Variants in HSD17B3 observed in about 807,000 individuals in gnomAD.
The protein encoded by HSD17B3 is 17-beta-hydroxysteroid dehydrogenase type 3.
HSD17B3 carries 29 observed loss-of-function variants against 41.1 expected under a neutral mutation model. The observed-to-expected ratio is 0.71, with a 90% CI of 0.53 to 0.96. The LOEUF (loss-of-function observed/expected upper bound fraction) is 0.96. Ranked by LOEUF, HSD17B3 falls within the 40% of genes least tolerant of loss-of-function variation. The pLI is 0.00. For synonymous variants in HSD17B3, 126 were observed against 145.6 expected, an observed-to-expected ratio of 0.87 and a Z score of 0.97; for missense variants, 323 against 374.6, an observed-to-expected ratio of 0.86 and a Z score of 1.14.
intron 6 of HSD17B3, 26 bp from the exon 7 acceptor site, chr9:96,246,616 C>A (rs1435269554): frequency 5.6e-6 from 9 of 1,612,656 alleles, no homozygotes; most frequent in Non-Finnish European, 7.6e-6. Context: ...AAAGGTAAGC[C>A]CGACAAGGAA....
intron 2 of HSD17B3, among the ~76,000 whole-genome samples, chr9:96,285,306 C>T (rs181587886): frequency 7.9e-5 from 12 of 152,228 alleles, no homozygotes; most frequent in Middle Eastern, 3.4e-3. Flanking sequence ...CTATGGTACA[C>T]GTGTATCAAA....
At chr9:96,261,663 C>G (rs558172599) in intron 2 of HSD17B3, among the ~76,000 whole-genome samples, 12 of 152,166 alleles carry the variant, frequency 7.9e-5, no homozygotes, top group Admixed American at 1.3e-4. Flanking sequence ...TAAAAGGGCC[C>G]CACAGGGAAA....
At chr9:96,243,822 C>T (rs1442551416) in intron 9 of HSD17B3, among the ~76,000 whole-genome samples, 3 of 152,174 alleles carry the variant, frequency 2.0e-5, no homozygotes, top group East Asian at 1.9e-4. Context: ...CTCACCTGCT[C>T]GAGAACCAGA....
intron 1 of HSD17B3, 54 bp downstream of exon 1, chr9:96,301,891 ATAATAG>A: frequency 1.3e-6 from 2 of 1,560,246 alleles, no homozygotes; most frequent in Non-Finnish European, 1.8e-6. Flanking sequence ...AAAAATAATA[ATAATAG>A]TAACAAGCAG....
intron 2 of HSD17B3, among the ~76,000 whole-genome samples, chr9:96,271,605 G>GTTA (rs1408067952): frequency 1.3e-5 from 2 of 152,148 alleles, no homozygotes; most frequent in Admixed American, 1.3e-4. Flanking sequence ...GCAGATATGT[G>GTTA]TTATGATCCA....
At chr9:96,298,274 T>G in intron 2 of HSD17B3, 142 bp downstream of exon 2, 1 of 765,248 alleles carries the variant, frequency 1.3e-6, no homozygotes, top group Non-Finnish European at 2.4e-6. Flanking sequence ...ATTATTTTTG[T>G]TTGCTTTTCC....
chr9:96,260,227 G>A (rs998865763), intron 2 of HSD17B3, among the ~76,000 whole-genome samples: 7 of 152,158 alleles, frequency 4.6e-5, no homozygotes, highest in Non-Finnish European at 8.8e-5. Context: ...CTTCTCTGAT[G>A]CTATCCTTGT....
chr9:96,281,027 A>T (rs1164939364), intron 2 of HSD17B3, among the ~76,000 whole-genome samples: 1 of 152,130 alleles, frequency 6.6e-6, no homozygotes, highest in Non-Finnish European at 1.5e-5. Context: ...CTGTCCATGG[A>T]GTAGCCATTT....
intron 2 of HSD17B3, among the ~76,000 whole-genome samples, chr9:96,288,233 A>C (rs1161567504): frequency 6.6e-6 from 1 of 152,248 alleles, no homozygotes; most frequent in Non-Finnish European, 1.5e-5. Flanking sequence ...TTTCCTAAAA[A>C]TTACTGAAGT....
intron 2 of HSD17B3, among the ~76,000 whole-genome samples, chr9:96,261,550 G>A (rs931967477): frequency 2.6e-5 from 4 of 152,252 alleles, no homozygotes; most frequent in African/African-American, 4.8e-5. Context: ...TGGAGGCAGA[G>A]TGCTGGGTGG....
intron 2 of HSD17B3, among the ~76,000 whole-genome samples, chr9:96,296,308 G>C (rs1444457219): frequency 1.3e-5 from 2 of 152,284 alleles, no homozygotes; most frequent in East Asian, 3.9e-4. Flanking sequence ...TCTCTGCCGT[G>C]TGAAGCTACA....
intron 2 of HSD17B3, among the ~76,000 whole-genome samples, chr9:96,290,643 G>A (rs1399581725): frequency 6.6e-6 from 1 of 151,716 alleles, no homozygotes; most frequent in Non-Finnish European, 1.5e-5. Context: ...AGACCAGCCT[G>A]GCCAACATGG....
At chr9:96,261,438 G>A (rs184466767) in intron 2 of HSD17B3, among the ~76,000 whole-genome samples, 291 of 152,228 alleles carry the variant, frequency 1.9e-3, no homozygotes, top group African/African-American at 5.8e-3. Flanking sequence ...CAGGTGATCC[G>A]CCCGCCTTGG....
chr9:96,248,054 T>C (rs1181414043), intron 6 of HSD17B3, among the ~76,000 whole-genome samples: 4 of 152,232 alleles, frequency 2.6e-5, no homozygotes, highest in Admixed American at 2.6e-4. Context: ...AGCATTTCTC[T>C]GCTAAAGGAG....
chr9:96,244,270 A>G, intron 9 of HSD17B3, 59 bp downstream of exon 9: 1 of 1,546,082 alleles, frequency 6.5e-7, no homozygotes, highest in Non-Finnish European at 8.9e-7. Context: ...CTTCTCAAGG[A>G]CTCACAGCCG....
intron 2 of HSD17B3, among the ~76,000 whole-genome samples, chr9:96,284,804 G>A (rs939573385): frequency 2.6e-5 from 4 of 151,662 alleles, no homozygotes; most frequent in Non-Finnish European, 4.4e-5. Flanking sequence ...AAGTCTTATC[G>A]AGATTCCTTC....
At position 96,290,592 on chromosome 9, in the gene HSD17B3, C is replaced by T. The variant is rs534650991; in HGVS notation, c.201+7824G>A. On this transcript the variant is annotated intron_variant, in intron 2 of 10. Coordinates refer to ENST00000375263, the MANE Select transcript of HSD17B3 (RefSeq NM_000197.2). ...CTCACACCTGTAATCCCAGCACTTTCGGATGCCAAGGCAGGTGGATCACCT... is the reference window on the plus strand; with the variant it reads ...CTCACACCTGTAATCCCAGCACTTTTGGATGCCAAGGCAGGTGGATCACCT... Among the ~76,000 whole-genome samples the T allele has an allele frequency of 4.2e-4, 63 of 150,114 alleles. No individual in the cohort carries two copies. In the South Asian group the frequency reaches 0.013, roughly 31 times the overall value.
intron 3 of HSD17B3, 79 bp from the exon 4 acceptor site, chr9:96,252,989 T>G: frequency 1.1e-5 from 9 of 848,832 alleles, no homozygotes; most frequent in Non-Finnish European, 1.9e-5. Context: ...CCAGTGCTCC[T>G]GTATTACCTG....
At chr9:96,251,562 A>T in intron 4 of HSD17B3, 77 bp from the exon 5 acceptor site, 1 of 1,312,488 alleles carries the variant, frequency 7.6e-7, no homozygotes, top group South Asian at 1.2e-5. Context: ...GTACAAAAAG[A>T]TTGACATGTA....
Sources: allele counts gnomAD v4.1 joint callset (sites outside exome capture counted in the v4.1 genomes callset), GRCh38; gene constraint gnomAD v4.1.1; transcripts MANE v1.5; gene names NCBI Gene and HGNC (gene_info 2026-07-23, HGNC 2026-07-21).